The following MAP3K9 variants were observed in gnomAD, a reference collection of about 807,000 sequenced individuals.
The protein encoded by MAP3K9 is mixed lineage kinase 1 (tyr and ser/thr specificity).
Under a neutral mutation model 95.8 loss-of-function variants are expected in MAP3K9, and 46 were observed. The observed-to-expected ratio is 0.48, with a 90% confidence interval of 0.38 to 0.61. The LOEUF (loss-of-function observed/expected upper bound fraction) is 0.61. Among genes scored for constraint, MAP3K9 ranks in the 20% least tolerant of loss-of-function variants. The probability of loss-of-function intolerance (pLI) is 0.00; values close to 1 mark genes in which losing one functional copy is unlikely to be tolerated. For missense variants in MAP3K9, 1,296 were observed against 1,474.3 expected (o/e 0.88, Z 1.98); for synonymous variants, 533 against 593.8 (o/e 0.90, Z 1.49).
intron 2 of MAP3K9, among the ~76,000 whole-genome samples, chr14:70,793,248 G>A (rs1240075305): frequency 6.6e-6 from 1 of 152,246 alleles, no homozygotes; most frequent in Non-Finnish European, 1.5e-5. Flanking sequence ...ATCAGGAAAA[G>A]TGTGAAGAGG....
intron 3 of MAP3K9, among the ~76,000 whole-genome samples, chr14:70,756,378 G>A (rs552821705): frequency 6.6e-6 from 1 of 152,208 alleles, no homozygotes; most frequent in Non-Finnish European, 1.5e-5. Flanking sequence ...AAACAATCAT[G>A]TTACTGAGAA....
At chr14:70,782,999 C>T (rs17766537) in intron 2 of MAP3K9, among the ~76,000 whole-genome samples, 3,926 of 152,280 alleles carry the variant, frequency 0.026, 84 homozygotes, top group South Asian at 0.032. Flanking sequence ...GCTCAAATGC[C>T]GTGTTCTCTG....
chr14:70,768,535 T>C (rs184461669), intron 2 of MAP3K9, among the ~76,000 whole-genome samples: 11 of 152,222 alleles, frequency 7.2e-5, no homozygotes, highest in African/African-American at 2.4e-4. Context: ...CCAAAATGAA[T>C]GTTGATCCTC....
chr14:70,772,181 A>G (rs55727545), intron 2 of MAP3K9, among the ~76,000 whole-genome samples: 6,349 of 152,316 alleles, frequency 0.042, 136 homozygotes, highest in East Asian at 0.094. Context: ...CCGCATTGTC[A>G]GCAGAGCTGC....
rs144091697 is a variant in MAP3K9 at position 70,734,245 on chromosome 14, G to C, written c.2026+141C>G. 9.3e-4 allele frequency: 632 copies of C among 677,958 alleles called. 3 individuals are homozygous for C. In the African/African-American group the frequency reaches 9.9e-3, roughly 11 times the overall value. The allele number at this position is 677,958 out of a possible 1,614,324, so 42.0% of individuals were successfully genotyped here. A position where few individuals can be genotyped will look rare whatever the true frequency, so the allele number is the denominator to read the frequency against. On this transcript the variant is annotated intron_variant, in intron 10 of 11. Coordinates refer to ENST00000554752, the MANE Select transcript of MAP3K9 (RefSeq NM_001284230.2). The stretch of plus-strand genomic sequence containing the variant: ...GTGTAGTATGAGTTTCTAGAACACT[G>C]AACATTCTAGAACAAAAACATTCCC...
intron 2 of MAP3K9, among the ~76,000 whole-genome samples, chr14:70,770,617 C>T (rs2054518524): frequency 6.6e-6 from 1 of 152,204 alleles, no homozygotes; most frequent in South Asian, 2.1e-4. Flanking sequence ...TTCATCAGCA[C>T]ATGAGCAAGA....
chr14:70,760,599 C>T (rs1454521485), intron 3 of MAP3K9, among the ~76,000 whole-genome samples: 1 of 152,072 alleles, frequency 6.6e-6, no homozygotes, highest in Non-Finnish European at 1.5e-5. Flanking sequence ...TTGGGTTAAT[C>T]CCCTCCCCAA....
intron 1 of MAP3K9, among the ~76,000 whole-genome samples, chr14:70,802,796 C>CT (rs1488925312): frequency 6.6e-6 from 1 of 152,186 alleles, no homozygotes; most frequent in African/African-American, 2.4e-5. Context: ...TCTGTCTGCC[C>CT]TATTCACCAC....
intron 2 of MAP3K9, among the ~76,000 whole-genome samples, chr14:70,779,624 C>T (rs1407010454): frequency 1.3e-5 from 2 of 152,208 alleles, no homozygotes; most frequent in Non-Finnish European, 2.9e-5. Flanking sequence ...GGCTAACATT[C>T]ACCCACCCAC....
chr14:70,765,166 T>C (rs1356550867), intron 2 of MAP3K9, among the ~76,000 whole-genome samples: 3 of 151,520 alleles, frequency 2.0e-5, no homozygotes, highest in Non-Finnish European at 4.4e-5. Flanking sequence ...CCATCTCTAC[T>C]AAAAATACAT....
chr14:70,804,912 G>A (rs940527903), intron 1 of MAP3K9, among the ~76,000 whole-genome samples: 3 of 152,056 alleles, frequency 2.0e-5, no homozygotes, highest in African/African-American at 7.2e-5. Context: ...CCAGAAAGAA[G>A]GGAGGGAGGA....
chr14:70,747,247 C>T (rs1210733748), intron 5 of MAP3K9, among the ~76,000 whole-genome samples: 2 of 152,098 alleles, frequency 1.3e-5, no homozygotes, highest in Admixed American at 6.5e-5. Flanking sequence ...TGGGAGGGAC[C>T]AAGTGGAGAT....
chr14:70,756,480 T>TG (rs1304031906), intron 3 of MAP3K9, among the ~76,000 whole-genome samples: 8 of 152,184 alleles, frequency 5.3e-5, no homozygotes, highest in African/African-American at 1.7e-4. Context: ...TCTTCCATAG[T>TG]GGGGCACACA....
chr14:70,730,677 AG>A lies in MAP3K9; in HGVS notation c.3017del (p.Pro1006LeufsTer38), dbSNP rs1264324737. The A allele has an allele frequency of 6.2e-7, 1 of 1,613,714 alleles. No individual in the cohort carries two copies. The highest frequency in any genetic ancestry group is 1.7e-5 in the Admixed American group (1 of 60,004). On this transcript the variant is annotated frameshift_variant, in exon 12 of 12. Coordinates refer to ENST00000554752, the MANE Select transcript of MAP3K9 (RefSeq NM_001284230.2). LOFTEE classifies it high-confidence loss of function. The part of the protein sequence containing the change: ...RPSANRQRLD[P>X]WWFVSPSHAR... The stretch of plus-strand genomic sequence containing the variant: ...CATGGCTGGGGGACACAAACCACCA[AG>A]GGTCCAGCCGTTGCCGGTTGGCAGA...
chr14:70,730,061 T>A lies in MAP3K9; in HGVS notation c.*319A>T, dbSNP rs2053872290. 1 of 301,664 alleles carries A rather than the reference T, an allele frequency of 3.3e-6. No individual in the cohort carries two copies. Among genetic ancestry groups the A allele is most frequent in the African/African-American group, 2.1e-5 (1 of 47,074 alleles). 18.7% of individuals were successfully genotyped at this position (301,664 alleles called of 1,614,324 possible). A position where few individuals can be genotyped will look rare whatever the true frequency, so the allele number is the denominator to read the frequency against. On this transcript the variant is annotated 3_prime_UTR_variant, in exon 12 of 12. Transcript: ENST00000554752. The stretch of plus-strand genomic sequence containing the variant: ...CTGAGGAGAGGGAGCAGCAGACAGA[T>A]TTGGCTGAGTGACTCTGCAGGGTCA...
chr14:70,765,244 T>G (rs2054433912), intron 2 of MAP3K9, among the ~76,000 whole-genome samples: 1 of 152,142 alleles, frequency 6.6e-6, no homozygotes, highest in African/African-American at 2.4e-5. Context: ...GCAGAAGAAT[T>G]GCTTGAACTT....
At chr14:70,764,648 T>C (rs1441554277) in intron 2 of MAP3K9, among the ~76,000 whole-genome samples, 1 of 151,626 alleles carries the variant, frequency 6.6e-6, no homozygotes, top group Non-Finnish European at 1.5e-5. Flanking sequence ...CTGGAAAACA[T>C]AGTGAAACCT....
At chr14:70,736,397 TTTC>T (rs1363307522) in intron 8 of MAP3K9, among the ~76,000 whole-genome samples, 1 of 152,210 alleles carries the variant, frequency 6.6e-6, no homozygotes, top group Non-Finnish European at 1.5e-5. Context: ...CATCACGTGT[TTTC>T]TTTAGTCAAA....
intron 2 of MAP3K9, chr14:70,765,373 G>C: frequency 2.0e-6 from 1 of 503,688 alleles, no homozygotes; most frequent in Non-Finnish European, 3.5e-6. Flanking sequence ...TAAGTGTACA[G>C]TGTTTATAAG....
Sources: allele counts gnomAD v4.1 joint callset (sites outside exome capture counted in the v4.1 genomes callset), GRCh38; gene constraint gnomAD v4.1.1; transcripts MANE v1.5; gene names NCBI Gene and HGNC (gene_info 2026-07-23, HGNC 2026-07-21).